The following CSMD1 variants were observed in gnomAD, a reference collection of about 807,000 sequenced individuals.
The protein encoded by CSMD1 is CUB and sushi domain-containing protein 1.
CSMD1 carries 213 observed loss-of-function variants against 417.5 expected under a neutral mutation model. That is an observed-to-expected ratio of 0.51 (90% confidence interval 0.46 to 0.57). CSMD1 has a LOEUF of 0.57. Ranked by LOEUF, CSMD1 falls within the 20% of genes least tolerant of loss-of-function variation. CSMD1 has a pLI of 0.00. For missense variants in CSMD1, 6,923 were observed against 4,529.7 expected (o/e 1.53, Z -15.17); for synonymous variants, 2,862 against 1,736.8 (o/e 1.65, Z -16.11).
chr8:3,507,249 G>C (rs1006169466), intron 10 of CSMD1, among the ~76,000 whole-genome samples: 1 of 152,014 alleles, frequency 6.6e-6, no homozygotes, highest in East Asian at 1.9e-4. Flanking sequence ...TTTTGTAGAA[G>C]TAAAAAGGAA....
chr8:3,186,137 T>C (rs1821741644), intron 36 of CSMD1, among the ~76,000 whole-genome samples: 1 of 152,206 alleles, frequency 6.6e-6, no homozygotes, highest in African/African-American at 2.4e-5. Flanking sequence ...TTACATTAAG[T>C]GTTGGCATCT....
intron 5 of CSMD1, among the ~76,000 whole-genome samples, chr8:3,852,540 T>A (rs962851861): frequency 3.3e-5 from 5 of 152,044 alleles, no homozygotes; most frequent in African/African-American, 1.2e-4. Flanking sequence ...TAGATGGTGT[T>A]AGGGATTGAG....
intron 3 of CSMD1, among the ~76,000 whole-genome samples, chr8:4,354,995 G>C (rs1024696068): frequency 6.6e-6 from 1 of 151,600 alleles, no homozygotes. Flanking sequence ...AGGCACGGTG[G>C]CTCACGCCTG....
intron 5 of CSMD1, among the ~76,000 whole-genome samples, chr8:3,789,322 C>T (rs183507450): frequency 6.6e-6 from 1 of 150,846 alleles, no homozygotes; most frequent in East Asian, 1.9e-4. Context: ...ACAGCCCCAA[C>T]AGACTAATAC....
intron 1 of CSMD1, among the ~76,000 whole-genome samples, chr8:4,980,467 TG>T (rs1810828454): frequency 6.6e-6 from 1 of 152,202 alleles, no homozygotes; most frequent in Admixed American, 6.5e-5. Context: ...AAGAGGCCTG[TG>T]GGCCTCCTGG....
intron 1 of CSMD1, among the ~76,000 whole-genome samples, chr8:4,817,705 T>C (rs1243336254): frequency 6.6e-6 from 1 of 152,234 alleles, no homozygotes; most frequent in Non-Finnish European, 1.5e-5. Context: ...ATCAATACTT[T>C]AAATTGCATA....
chr8:4,475,680 G>T (rs1382754309), intron 2 of CSMD1, among the ~76,000 whole-genome samples: 1 of 52,352 alleles, frequency 1.9e-5, no homozygotes, highest in Non-Finnish European at 3.7e-5. Context: ...GCAGTGGCAT[G>T]ATCTCAGCTC....
intron 1 of CSMD1, among the ~76,000 whole-genome samples, chr8:4,713,794 G>A (rs1453532244): frequency 1.3e-5 from 2 of 152,092 alleles, no homozygotes; most frequent in African/African-American, 4.8e-5. Context: ...GATCATTCTA[G>A]GAGGGTGTCA....
intron 38 of CSMD1, among the ~76,000 whole-genome samples, chr8:3,160,351 CG>C (rs1819805671): frequency 6.6e-6 from 1 of 152,004 alleles, no homozygotes; most frequent in African/African-American, 2.4e-5. Context: ...TCAAACTCCT[CG>C]ATTCAAGCAA....
At chr8:4,449,339 T>TA (rs1379551352) in intron 2 of CSMD1, among the ~76,000 whole-genome samples, 1 of 152,222 alleles carries the variant, frequency 6.6e-6, no homozygotes, top group Non-Finnish European at 1.5e-5. Context: ...TCATTGGTTT[T>TA]AAGCCTCCCC....
chr8:4,217,573 G>A (rs1044049753), intron 3 of CSMD1, among the ~76,000 whole-genome samples: 8 of 151,946 alleles, frequency 5.3e-5, no homozygotes, highest in Admixed American at 3.9e-4. Context: ...CAGCAAAGGT[G>A]TGAGCTTGAA....
At chr8:3,373,222 T>C (rs1810084227) in intron 18 of CSMD1, 1 of 152,112 alleles carries the variant, frequency 6.6e-6, no homozygotes, top group Non-Finnish European at 1.5e-5. Flanking sequence ...TCAGGAAAAG[T>C]TACTTGATCA....
At chr8:4,863,503 G>C (rs1231281391) in intron 1 of CSMD1, among the ~76,000 whole-genome samples, 1 of 151,956 alleles carries the variant, frequency 6.6e-6, no homozygotes, top group East Asian at 1.9e-4. Context: ...GTTCAGTGTT[G>C]AATATTTTAA....
At chr8:4,664,278 T>C (rs762403853) in intron 1 of CSMD1, among the ~76,000 whole-genome samples, 1 of 152,200 alleles carries the variant, frequency 6.6e-6, no homozygotes, top group Non-Finnish European at 1.5e-5. Flanking sequence ...AGATTTTCAA[T>C]GCTGGGCACG....
At position 4,472,863 on chromosome 8, in the gene CSMD1, C is replaced by T. The variant is rs77771829; in HGVS notation, c.303-52798G>A. ...GTAAGTGTGATGACATATGATTAAA[C>T]ATAGTTATTCACTTTTAGAAAAATT... On this transcript the variant is annotated intron_variant, in intron 2 of 69. Transcript: ENST00000635120. Among the ~76,000 whole-genome samples, 179 of 152,010 alleles carry T rather than the reference C, an allele frequency of 1.2e-3. 3 individuals are homozygous for T. In the East Asian group the frequency reaches 0.033, roughly 28 times the overall value.
intron 5 of CSMD1, among the ~76,000 whole-genome samples, chr8:3,936,517 T>C (rs1395964686): frequency 6.6e-6 from 1 of 152,184 alleles, no homozygotes; most frequent in Non-Finnish European, 1.5e-5. Context: ...TCCTTAAGAA[T>C]TCTGCTAAAT....
intron 1 of CSMD1, among the ~76,000 whole-genome samples, chr8:4,969,706 G>T (rs1045192353): frequency 6.6e-6 from 1 of 151,996 alleles, no homozygotes; most frequent in African/African-American, 2.4e-5. Flanking sequence ...GAAGATTCCT[G>T]CGGCTGGCTT....
At chr8:4,159,012 T>G (rs546464334) in intron 3 of CSMD1, among the ~76,000 whole-genome samples, 3 of 152,268 alleles carry the variant, frequency 2.0e-5, no homozygotes, top group Admixed American at 2.0e-4. Context: ...ACCTCCCAGA[T>G]TCAAGCGATT....
At chr8:3,459,291 A>T (rs570601088) in intron 12 of CSMD1, among the ~76,000 whole-genome samples, 8 of 152,302 alleles carry the variant, frequency 5.3e-5, no homozygotes, top group Admixed American at 3.9e-4. Context: ...GCGAGGAGAG[A>T]CAGGCCGGTG....
Sources: gnomAD v4.1 joint callset for allele counts (sites outside exome capture counted in the v4.1 genomes callset) on GRCh38, gnomAD v4.1.1 for gene constraint, MANE v1.5 for transcripts, NCBI Gene and HGNC (gene_info 2026-07-23, HGNC 2026-07-21) for gene names.